Variants in CELF5 observed in about 807,000 individuals in gnomAD.
The protein encoded by CELF5 is CUG-BP and ETR-3 like factor 5.
A neutral mutation model predicts 54.9 loss-of-function variants in CELF5; 6 were observed. The ratio of observed to expected loss-of-function variants is 0.11; its 90% CI spans 0.06 to 0.22. The LOEUF (loss-of-function observed/expected upper bound fraction) is 0.22. Among genes scored for constraint, CELF5 ranks in the 10% least tolerant of loss-of-function variants. The pLI is 1.00. For synonymous variants in CELF5, 271 were observed against 290.9 expected (o/e 0.93, Z 0.70); for missense variants, 401 against 678.6 (o/e 0.59, Z 4.54).
chr19:3,281,190 C>A lies in CELF5; in HGVS notation c.604-9C>A. 1 of 1,602,150 alleles carries A rather than the reference C, an allele frequency of 6.2e-7. No individual in the cohort carries two copies. On this transcript the variant is annotated splice_polypyrimidine_tract_variant and intron_variant, in intron 5 of 12. Coordinates refer to ENST00000292672, the MANE Select transcript of CELF5 (RefSeq NM_021938.4). The surrounding 1 kb of genome is among the most constrained non-coding windows in gnomAD (Gnocchi z 6.5). ...CCGTTTCCCTCCCTGCTCGCCGCTGCCCCTGCAGGGAGCCTCCTCCAGCCT... is the reference window on the plus strand; with the variant it reads ...CCGTTTCCCTCCCTGCTCGCCGCTGACCCTGCAGGGAGCCTCCTCCAGCCT...
intron 2 of CELF5, among the ~76,000 whole-genome samples, chr19:3,258,769 G>A (rs10409755): frequency 0.14 from 21,983 of 151,748 alleles, 1,704 homozygotes; most frequent in African/African-American, 0.21. Context: ...ATGCCACCAC[G>A]CCTGGCTAGT....
chr19:3,276,630 C>T (rs867562525), intron 4 of CELF5, among the ~76,000 whole-genome samples: 2 of 148,820 alleles, frequency 1.3e-5, no homozygotes, highest in South Asian at 4.3e-4. Flanking sequence ...CTTGATCCTA[C>T]CTGCATGCTC....
chr19:3,253,051 G>A (rs2145070144), intron 2 of CELF5, among the ~76,000 whole-genome samples: 1 of 151,756 alleles, frequency 6.6e-6, no homozygotes, highest in South Asian at 2.1e-4. Flanking sequence ...GTTCATCTTG[G>A]ACCTTCTGCT....
At chr19:3,284,431 C>T (rs979097018) in intron 8 of CELF5, among the ~76,000 whole-genome samples, 2 of 152,154 alleles carry the variant, frequency 1.3e-5, no homozygotes, top group Non-Finnish European at 2.9e-5. Context: ...TCTTCCCTCC[C>T]CTACCCCTTT....
intron 10 of CELF5, among the ~76,000 whole-genome samples, chr19:3,289,769 G>C (rs148457009): frequency 0.028 from 4,077 of 144,866 alleles, 94 homozygotes; most frequent in Middle Eastern, 0.041. Context: ...TTTTATTTTA[G>C]AGACATTATT....
In CELF5 at chr19:3,241,863, C is replaced by T. The variant is rs369094657; in HGVS notation, c.260-9122C>T. Among the ~76,000 whole-genome samples the T allele has an allele frequency of 9.2e-5, 14 of 152,294 alleles. No individual in the cohort carries two copies. In the East Asian group the frequency reaches 1.5e-3, roughly 17 times the overall value. On this transcript the variant is annotated intron_variant, in intron 1 of 12. Coordinates refer to ENST00000292672, the MANE Select transcript of CELF5 (RefSeq NM_021938.4). ...CGACCTCGGCTCACTGCAACCTTAT[C>T]TCCCGGGTTCGAGCAATTCTCCTGC...
chr19:3,295,217 G>A (rs1238002959), intron 12 of CELF5: 2 of 152,148 alleles, frequency 1.3e-5, no homozygotes, highest in Non-Finnish European at 2.9e-5. Flanking sequence ...TCTGTCCTGG[G>A]GCAGGGGCGG....
At chr19:3,238,082 C>T (rs1201641741) in intron 1 of CELF5, among the ~76,000 whole-genome samples, 6 of 143,120 alleles carry the variant, frequency 4.2e-5, no homozygotes. Context: ...GGCCGGGCGC[C>T]ATGGGTCACG....
chr19:3,230,541 G>T (rs1417848438), intron 1 of CELF5, among the ~76,000 whole-genome samples: 1 of 152,210 alleles, frequency 6.6e-6, no homozygotes, highest in Non-Finnish European at 1.5e-5. Flanking sequence ...GGGAGATGAG[G>T]CTGGAGAGTC....
At chr19:3,259,560 C>T (rs2079779428) in intron 2 of CELF5, among the ~76,000 whole-genome samples, 1 of 152,100 alleles carries the variant, frequency 6.6e-6, no homozygotes, top group Non-Finnish European at 1.5e-5. Flanking sequence ...AGGAGGACCC[C>T]AGCTCCTGGG....
chr19:3,284,833 T>G, intron 8 of CELF5, 69 bp from the exon 9 acceptor site: 2 of 1,381,786 alleles, frequency 1.4e-6, no homozygotes, highest in Non-Finnish European at 2.1e-6. Context: ...CTTGCGGCTC[T>G]TAAGGATCGG....
At chr19:3,290,730 A>ATT (rs34944640) in intron 11 of CELF5, among the ~76,000 whole-genome samples, 2 of 140,436 alleles carry the variant, frequency 1.4e-5, no homozygotes, top group Admixed American at 7.1e-5. Flanking sequence ...CACCCAGCTA[A>ATT]TTTTTTTTTT....
At position 3,293,853 on chromosome 19, in the gene CELF5, C is replaced by T. The variant is rs147340055; in HGVS notation, c.*40+367C>T. 25 of 172,408 alleles carry T rather than the reference C, an allele frequency of 1.5e-4. No individual in the cohort carries two copies. The East Asian group carries it at 3.6e-3, about 25-fold the overall frequency. 10.7% of individuals were successfully genotyped at this position (172,408 alleles called of 1,614,324 possible). On this transcript the variant is annotated intron_variant, in intron 12 of 12. Transcript: ENST00000292672. ...GGGGGTTCTGTCCTGTCCTATGAGTCTGTTTTCCCTGCTGAAAACCCAACA... is the reference window on the plus strand; with the variant it reads ...GGGGGTTCTGTCCTGTCCTATGAGTTTGTTTTCCCTGCTGAAAACCCAACA...
chr19:3,274,309 T>C (rs1005323967), intron 3 of CELF5, among the ~76,000 whole-genome samples: 1 of 152,094 alleles, frequency 6.6e-6, no homozygotes, highest in Admixed American at 6.5e-5. Context: ...TGGAAATGTG[T>C]GTGTTTATGT....
chr19:3,259,754 G>A (rs1013773569), intron 2 of CELF5, among the ~76,000 whole-genome samples: 2 of 151,310 alleles, frequency 1.3e-5, no homozygotes, highest in African/African-American at 4.9e-5. Context: ...CAATGTCTGG[G>A]AACATTTACG....
Position 3,275,935 on chromosome 19 carries a change from G to C in CELF5, c.474G>C (p.Gly158=), listed in dbSNP as rs367569735. 1 of 1,611,874 alleles carries C rather than the reference G, an allele frequency of 6.2e-7. No homozygotes were observed. The highest frequency in any genetic ancestry group is 8.5e-7 in the Non-Finnish European group (1 of 1,179,490). ...TGCTGCGGCTGTTCCAGCCCTTCGG[G>C]GTCATTGACGAGTGCACCGTGCTCC... ...EDVLRLFQPF[G]VIDECTVLRG... The change falls in exon 4 of 13, where the codon GGG becomes GGC. Residue 158 remains glycine (G), a synonymous_variant. Coordinates refer to ENST00000292672, the MANE Select transcript of CELF5 (RefSeq NM_021938.4). This position sits in a 1 kb window ranked among gnomAD's most constrained non-coding sequence, Gnocchi z 6.7.
At chr19:3,291,251 G>A (rs1167502830) in intron 11 of CELF5, among the ~76,000 whole-genome samples, 1 of 151,726 alleles carries the variant, frequency 6.6e-6, no homozygotes, top group Non-Finnish European at 1.5e-5. Flanking sequence ...AGACAACACA[G>A]CAAGACCCTG....
At chr19:3,271,279 GC>G (rs2079959803) in intron 2 of CELF5, among the ~76,000 whole-genome samples, 1 of 150,528 alleles carries the variant, frequency 6.6e-6, no homozygotes, top group Non-Finnish European at 1.5e-5. Flanking sequence ...CCCGCTTCCA[GC>G]CCAGAAGCTG....
intron 9 of CELF5, among the ~76,000 whole-genome samples, chr19:3,285,285 C>A (rs975377291): frequency 6.6e-5 from 10 of 152,124 alleles, no homozygotes; most frequent in Admixed American, 6.5e-4. Flanking sequence ...CTAGCTCTGA[C>A]CCAACCCCAG....
Sources: allele counts gnomAD v4.1 joint callset (sites outside exome capture counted in the v4.1 genomes callset), GRCh38; gene constraint gnomAD v4.1.1; non-coding constraint Gnocchi (gnomAD v3.1); transcripts MANE v1.5; gene names NCBI Gene and HGNC (gene_info 2026-07-23, HGNC 2026-07-21).